LYRM1: variants seen among roughly 807,000 people sequenced by gnomAD.
LYRM1 encodes LYR motif containing 1, also known as LYR motif-containing protein 1.
In LYRM1, 14 loss-of-function variants were observed where a neutral mutation model predicts 14.9. The observed-to-expected ratio is 0.94, with a 90% confidence interval of 0.62 to 1.47. The LOEUF is 1.47. Ranked by LOEUF, LYRM1 falls within the 40% of genes most tolerant of loss-of-function variation. The probability of loss-of-function intolerance (pLI) is 0.00; values close to 1 mark genes in which losing one functional copy is unlikely to be tolerated. For missense variants in LYRM1, 153 were observed against 149.9 expected (o/e 1.02, Z -0.11); for synonymous variants, 43 against 56.2 (o/e 0.77, Z 1.05).
At chr16:20,909,359 G>A (rs940682749) in intron 1 of LYRM1, among the ~76,000 whole-genome samples, 25 of 152,196 alleles carry the variant, frequency 1.6e-4, no homozygotes, top group African/African-American at 5.5e-4. Flanking sequence ...GGGTTAGGGA[G>A]ATGAAAAGGA....
In LYRM1 at chr16:20,924,387, G is replaced by C. The variant is rs2083358534; in HGVS notation, c.*271G>C. Reference sequence around the variant, plus strand: ...CAAGACCGAGGCCTGTAGAAGGAAAGCGGAAGGATGTAAGAGCTGTTCATG... The same window carrying C: ...CAAGACCGAGGCCTGTAGAAGGAAACCGGAAGGATGTAAGAGCTGTTCATG... On this transcript the variant is annotated 3_prime_UTR_variant, in exon 4 of 4. Transcript: ENST00000567954. The C allele has an allele frequency of 3.3e-6, 1 of 298,710 alleles. No individual in the cohort carries two copies. Among genetic ancestry groups the C allele is most frequent in the Non-Finnish European group, 6.3e-6 (1 of 159,192 alleles). The allele number at this position is 298,710 out of a possible 1,614,324, so 18.5% of individuals were successfully genotyped here. A position where few individuals can be genotyped will look rare whatever the true frequency, so the allele number is the denominator to read the frequency against.
chr16:20,905,055 T>C (rs780431643), intron 1 of LYRM1, among the ~76,000 whole-genome samples: 28 of 152,146 alleles, frequency 1.8e-4, no homozygotes, highest in Non-Finnish European at 3.8e-4. Context: ...TTATTAATGA[T>C]CAGAGGGAAA....
chr16:20,906,090 C>A (rs1336992247), intron 1 of LYRM1, among the ~76,000 whole-genome samples: 2 of 152,208 alleles, frequency 1.3e-5, no homozygotes, highest in African/African-American at 4.8e-5. Context: ...CTCCCCACCT[C>A]CTACTCCCTG....
chr16:20,919,339 G>T (rs764152001), intron 2 of LYRM1, among the ~76,000 whole-genome samples: 1 of 152,116 alleles, frequency 6.6e-6, no homozygotes, highest in Admixed American at 6.6e-5. Flanking sequence ...CATGAGGGGG[G>T]TGTGAAGAAG....
rs748921822 is a variant in LYRM1 at position 20,920,102 on chromosome 16, T to G, written c.160-20T>G. ...ATTAGAAAGATACTATCAGCCTCAT[T>G]TCTTTCTCCCTTTTAATAGCTCACG... On this transcript the variant is annotated intron_variant, in intron 2 of 3. Coordinates refer to ENST00000567954, the MANE Select transcript of LYRM1 (RefSeq NM_001128302.3). 6.4e-7 allele frequency: 1 copy of G among 1,552,526 alleles called. No homozygotes were observed. Among genetic ancestry groups the G allele is most frequent in the Non-Finnish European group, 8.9e-7 (1 of 1,126,190 alleles).
chr16:20,923,542 C>T (rs1401277838), intron 3 of LYRM1, among the ~76,000 whole-genome samples: 1 of 151,694 alleles, frequency 6.6e-6, no homozygotes, highest in East Asian at 1.9e-4. Context: ...CCATCCCAGC[C>T]ATAATTTAAC....
chr16:20,918,359 A>G (rs777388336), intron 2 of LYRM1, among the ~76,000 whole-genome samples: 33 of 152,162 alleles, frequency 2.2e-4, no homozygotes, highest in African/African-American at 7.5e-4. Context: ...CTGATGGTAC[A>G]TGAGATTATT....
chr16:20,923,658 CTA>C (rs1260581513), intron 3 of LYRM1, among the ~76,000 whole-genome samples: 9 of 152,136 alleles, frequency 5.9e-5, no homozygotes, highest in African/African-American at 2.2e-4. Context: ...TCTCAACTTG[CTA>C]TGTGATCCAT....
chr16:20,923,333 C>T (rs1431461796), intron 3 of LYRM1, among the ~76,000 whole-genome samples: 1 of 151,922 alleles, frequency 6.6e-6, no homozygotes, highest in Admixed American at 6.6e-5. Context: ...AACCCCATAT[C>T]TATTAAAAAT....
upstream of LYRM1, chr16:20,900,418 C>G (rs1015088460): frequency 6.6e-6 from 1 of 151,650 alleles, no homozygotes. Flanking sequence ...CCTGCATCAT[C>G]ACTTCCGGTA....
upstream of LYRM1, chr16:20,900,454 G>A (rs1164443614): frequency 3.3e-5 from 5 of 152,242 alleles, no homozygotes; most frequent in African/African-American, 4.8e-5. Context: ...AGCTCCAGGA[G>A]GGAGAATGGG....
Position 20,924,271 on chromosome 16 carries a change from C to A in LYRM1, c.*155C>A. 1.7e-6 allele frequency: 1 copy of A among 581,910 alleles called. No homozygotes were observed. The highest frequency in any genetic ancestry group is 3.1e-6 in the Non-Finnish European group (1 of 324,500). 36.0% of individuals were successfully genotyped at this position (581,910 alleles called of 1,614,324 possible). On this transcript the variant is annotated 3_prime_UTR_variant, in exon 4 of 4. Coordinates refer to ENST00000567954, the MANE Select transcript of LYRM1 (RefSeq NM_001128302.3). The stretch of plus-strand genomic sequence containing the variant: ...CCCTGTGATGTAAACTTAGATATCC[C>A]TAGAGTTTCTCAGCATCTTTCTTCC...
Position 20,924,010 on chromosome 16 carries a change from C to A in LYRM1, c.263C>A (p.Pro88His). 1 of 1,591,868 alleles carries A rather than the reference C, an allele frequency of 6.3e-7. No individual in the cohort carries two copies. Among genetic ancestry groups the A allele is most frequent in the Non-Finnish European group, 8.6e-7 (1 of 1,165,304 alleles). ...ATTGTTCTTATTCAGATTCATCTGC[C>A]TCCAATGGGCCTTACCCCACTCCGA... ...KIPYPRPIHL[P>H]PMGLTPLRGR... Residue 88 changes from proline to histidine, a missense_variant, in exon 4 of 4, where the codon CCT becomes CAT. Pro to His is a moderately conservative substitution (Grantham distance 77, BLOSUM62 -2). Coordinates refer to ENST00000567954, the MANE Select transcript of LYRM1 (RefSeq NM_001128302.3).
intron 3 of LYRM1, among the ~76,000 whole-genome samples, chr16:20,923,555 GC>G (rs1774997503): frequency 6.7e-6 from 1 of 149,916 alleles, no homozygotes; most frequent in Non-Finnish European, 1.5e-5. Flanking sequence ...AATTTAACCA[GC>G]CCCTCTCTTG....
intron 1 of LYRM1, among the ~76,000 whole-genome samples, chr16:20,914,318 T>G (rs1446463729): frequency 6.9e-5 from 10 of 144,222 alleles, no homozygotes; most frequent in Non-Finnish European, 1.2e-4. Context: ...AGACGGAGTT[T>G]CACTCTGTTG....
At chr16:20,922,682 G>A (rs1185363689) in intron 3 of LYRM1, among the ~76,000 whole-genome samples, 1 of 152,108 alleles carries the variant, frequency 6.6e-6, no homozygotes. Flanking sequence ...TAGATATAGG[G>A]TTTCACTATG....
intron 2 of LYRM1, among the ~76,000 whole-genome samples, chr16:20,919,164 A>G (rs904506982): frequency 2.6e-5 from 4 of 152,188 alleles, no homozygotes; most frequent in African/African-American, 9.6e-5. Flanking sequence ...AGAGTGGATT[A>G]CCATGATTTG....
chr16:20,906,722 T>G (rs2082337968), intron 1 of LYRM1, among the ~76,000 whole-genome samples: 1 of 152,204 alleles, frequency 6.6e-6, no homozygotes, highest in Non-Finnish European at 1.5e-5. Flanking sequence ...TGCTCTTAAA[T>G]TCCTAAGTGT....
At position 20,924,433 on chromosome 16, in the gene LYRM1, T is replaced by G. The variant is rs906346325; in HGVS notation, c.*317T>G. The G allele has an allele frequency of 2.7e-5, 5 of 185,402 alleles. 1 individual carries two copies. In the South Asian group the frequency reaches 7.7e-4, roughly 28 times the overall value. The allele number at this position is 185,402 out of a possible 1,614,324, so 11.5% of individuals were successfully genotyped here. ...TCATGGGAATTCCATTCACCACACA[T>G]GCCAGCTGATGCAAAGAAATTTGCC... On this transcript the variant is annotated 3_prime_UTR_variant, in exon 4 of 4. Transcript: ENST00000567954.
Sources: allele counts gnomAD v4.1 joint callset (sites outside exome capture counted in the v4.1 genomes callset), GRCh38; gene constraint gnomAD v4.1.1; transcripts MANE v1.5; gene names NCBI Gene and HGNC (gene_info 2026-07-23, HGNC 2026-07-21).